PTK2B: variants seen among roughly 807,000 people sequenced by gnomAD.
The protein encoded by PTK2B is protein-tyrosine kinase 2-beta.
Under a neutral mutation model 142.9 loss-of-function variants are expected in PTK2B, and 71 were observed. That is an observed-to-expected ratio of 0.50 (90% CI 0.41 to 0.61). PTK2B has a LOEUF of 0.61. PTK2B is among the 20% of genes least tolerant of loss of function. PTK2B has a pLI of 0.00. For missense variants in PTK2B, 1,105 were observed against 1,320.4 expected (o/e 0.84, Z 2.53); for synonymous variants, 519 against 503.4 (o/e 1.03, Z -0.42).
intron 30 of PTK2B, among the ~76,000 whole-genome samples, chr8:27,455,297 C>G (rs1346605390): frequency 6.6e-6 from 1 of 152,106 alleles, no homozygotes; most frequent in East Asian, 1.9e-4. Flanking sequence ...GGTGTGGAAA[C>G]TCACATCTAT....
rs113592944 is a variant in PTK2B at position 27,372,948 on chromosome 8, C to T, written c.-37-24600C>T. Among the ~76,000 whole-genome samples the T allele has an allele frequency of 1.2e-3, 180 of 152,136 alleles. 2 individuals are homozygous for T. The highest frequency in any genetic ancestry group is 3.4e-3 in the African/African-American group (143 of 41,500). On this transcript the variant is annotated intron_variant, in intron 1 of 30. Coordinates refer to ENST00000346049, the MANE Select transcript of PTK2B (RefSeq NM_173176.3). ...ATAGACATTTCCAAAGTCTATGTGG[C>T]CACTTCAAGTCTTCTCTTGAAAGAC...
chr8:27,311,422 G>C, upstream of PTK2B: 2 of 725,302 alleles, frequency 2.8e-6, no homozygotes, highest in Non-Finnish European at 4.3e-6. Context: ...GCTCGGAGGA[G>C]CCCCACCCAC....
chr8:27,331,971 G>T (rs546176531), intron 1 of PTK2B, among the ~76,000 whole-genome samples: 2 of 152,256 alleles, frequency 1.3e-5, no homozygotes, highest in South Asian at 4.1e-4. Flanking sequence ...GGTTATGAGA[G>T]ATCTGATGCT....
chr8:27,372,297 G>A (rs950660242), intron 1 of PTK2B, among the ~76,000 whole-genome samples: 2 of 152,176 alleles, frequency 1.3e-5, no homozygotes, highest in African/African-American at 4.8e-5. Context: ...TTTATTATAA[G>A]GAATTGGCAC....
intron 3 of PTK2B, among the ~76,000 whole-genome samples, chr8:27,317,153 T>C (rs1803112618): frequency 6.6e-6 from 1 of 152,224 alleles, no homozygotes; most frequent in African/African-American, 2.4e-5. Context: ...GTATGTCTCA[T>C]TTTCAGAGCT....
Position 27,454,513 on chromosome 8 carries a change from G to T in PTK2B, c.2734-18G>T, listed in dbSNP as rs749811687. ...AATAGCTAGGAGTGGCGGCCATCCT[G>T]CCCCTTTCTCCCCCCAGAATGTGGG... On this transcript the variant is annotated intron_variant, in intron 29 of 30. Transcript: ENST00000346049. 2 of 1,612,108 alleles carry T rather than the reference G, an allele frequency of 1.2e-6. No homozygotes were observed. Among genetic ancestry groups the T allele is most frequent in the Admixed American group, 3.3e-5 (2 of 60,004 alleles).
At chr8:27,433,274 G>A (rs1810553836) in intron 10 of PTK2B, 161 bp from the exon 11 acceptor site, 1 of 651,532 alleles carries the variant, frequency 1.5e-6, no homozygotes, top group African/African-American at 1.8e-5. Context: ...GGGTGACAGA[G>A]TGCAGTCTGG....
rs137879588 is a variant in PTK2B at position 27,360,133 on chromosome 8, A to G, written c.-38+34452A>G. 3.4e-4 allele frequency among the ~76,000 whole-genome samples: 52 copies of G among 152,350 alleles called. 1 individual carries two copies. In the South Asian group the frequency reaches 8.5e-3, roughly 25 times the overall value. ...GGCCCAGTCGACATTAGGTCTGTCT[A>G]TTACAGGACTGAAAAATCATACATC... On this transcript the variant is annotated intron_variant, in intron 1 of 30. Transcript: ENST00000346049.
intron 1 of PTK2B, among the ~76,000 whole-genome samples, chr8:27,350,826 A>C (rs1216438177): frequency 1.3e-5 from 2 of 149,940 alleles, no homozygotes; most frequent in African/African-American, 4.9e-5. Context: ...AAAAATACAA[A>C]AATTAGGGTG....
At chr8:27,455,490 A>G (rs1812091885) in intron 30 of PTK2B, among the ~76,000 whole-genome samples, 1 of 152,202 alleles carries the variant, frequency 6.6e-6, no homozygotes, top group Non-Finnish European at 1.5e-5. Flanking sequence ...TGGAGGCTGC[A>G]GTGAGCCATG....
intron 5 of PTK2B, among the ~76,000 whole-genome samples, chr8:27,423,302 G>A (rs756055659): frequency 6.6e-6 from 1 of 152,138 alleles, no homozygotes; most frequent in African/African-American, 2.4e-5. Flanking sequence ...GCACCATTGA[G>A]TTTCACCATC....
intron 3 of PTK2B, among the ~76,000 whole-genome samples, chr8:27,314,488 G>T (rs570272926): frequency 6.6e-6 from 1 of 152,350 alleles, no homozygotes; most frequent in East Asian, 1.9e-4. Flanking sequence ...GGGTCTGGAG[G>T]CAGGGAACAT....
At chr8:27,333,725 C>T (rs896318568) in intron 1 of PTK2B, among the ~76,000 whole-genome samples, 4 of 152,016 alleles carry the variant, frequency 2.6e-5, no homozygotes, top group Non-Finnish European at 5.9e-5. Context: ...GTGTTAAATG[C>T]CAAGCCTGTC....
At chr8:27,445,656 C>G in intron 23 of PTK2B, 138 bp from the exon 24 acceptor site, 10 of 1,280,700 alleles carry the variant, frequency 7.8e-6, no homozygotes, top group Non-Finnish European at 1.1e-5. Flanking sequence ...ACGTTTTGTT[C>G]TTTATTAACT....
intron 5 of PTK2B, among the ~76,000 whole-genome samples, chr8:27,423,505 C>G (rs1011091510): frequency 2.0e-5 from 3 of 152,172 alleles, no homozygotes; most frequent in Non-Finnish European, 2.9e-5. Context: ...ACCAGCCCCC[C>G]AGGTGACTTG....
intron 1 of PTK2B, among the ~76,000 whole-genome samples, chr8:27,362,705 CAGG>C (rs1272827621): frequency 2.6e-5 from 4 of 151,938 alleles, no homozygotes; most frequent in Admixed American, 1.3e-4. Flanking sequence ...CCAGCAGTGA[CAGG>C]AGGGACCCAG....
intron 1 of PTK2B, among the ~76,000 whole-genome samples, chr8:27,394,455 T>C (rs1394536287): frequency 2.0e-5 from 3 of 152,310 alleles, no homozygotes; most frequent in Non-Finnish European, 2.9e-5. Context: ...AAATACAGTG[T>C]AAAAGATAAA....
chr8:27,385,933 A>G (rs1807325961), intron 1 of PTK2B, among the ~76,000 whole-genome samples: 1 of 151,344 alleles, frequency 6.6e-6, no homozygotes, highest in Non-Finnish European at 1.5e-5. Context: ...AGGAGGAGAT[A>G]GAGATTGATG....
intron 1 of PTK2B, among the ~76,000 whole-genome samples, chr8:27,332,596 T>C (rs1215394300): frequency 6.6e-6 from 1 of 152,096 alleles, no homozygotes; most frequent in Admixed American, 6.6e-5. Flanking sequence ...TTTTATCTCA[T>C]TTCGAGACAG....
Sources: gnomAD v4.1 joint callset for allele counts (sites outside exome capture counted in the v4.1 genomes callset) on GRCh38, gnomAD v4.1.1 for gene constraint, MANE v1.5 for transcripts, NCBI Gene and HGNC (gene_info 2026-07-23, HGNC 2026-07-21) for gene names.